The following ADAMTS3 variants were observed in gnomAD, a reference collection of about 807,000 sequenced individuals.
The protein encoded by ADAMTS3 is A disintegrin and metalloproteinase with thrombospondin motifs 3.
Under a neutral mutation model 129.0 loss-of-function variants are expected in ADAMTS3, and 73 were observed. The ratio of observed to expected loss-of-function variants is 0.57; its 90% CI spans 0.47 to 0.69. The LOEUF is 0.69. Among genes scored for constraint, ADAMTS3 ranks in the 30% least tolerant of loss-of-function variants. The pLI is 0.00. For synonymous variants in ADAMTS3, 477 were observed against 510.8 expected, an observed-to-expected ratio of 0.93 and a Z score of 0.89; for missense variants, 1,457 against 1,514.5, an observed-to-expected ratio of 0.96 and a Z score of 0.63.
chr4:72,387,744 C>T (rs934073976), intron 4 of ADAMTS3, among the ~76,000 whole-genome samples: 1 of 152,068 alleles, frequency 6.6e-6, no homozygotes, highest in Non-Finnish European at 1.5e-5. Context: ...GAATGAGGTG[C>T]CTAAGGCAAC....
At chr4:72,462,689 T>G (rs1160539227) in intron 3 of ADAMTS3, among the ~76,000 whole-genome samples, 1 of 151,974 alleles carries the variant, frequency 6.6e-6, no homozygotes, top group Non-Finnish European at 1.5e-5. Context: ...CGTGTTTTAG[T>G]TTTTAATGAA....
intron 2 of ADAMTS3, among the ~76,000 whole-genome samples, chr4:72,566,413 G>C (rs1413116114): frequency 6.6e-6 from 1 of 152,084 alleles, no homozygotes; most frequent in East Asian, 1.9e-4. Flanking sequence ...GTGGCTGTGG[G>C]AATCAGTTGA....
chr4:72,527,545 T>C (rs995531355), intron 3 of ADAMTS3, among the ~76,000 whole-genome samples: 1 of 152,204 alleles, frequency 6.6e-6, no homozygotes, highest in Non-Finnish European at 1.5e-5. Flanking sequence ...AGCCAAGTTC[T>C]ATCTAGATGT....
intron 3 of ADAMTS3, among the ~76,000 whole-genome samples, chr4:72,486,035 C>T (rs750520364): frequency 5.3e-5 from 8 of 152,110 alleles, no homozygotes; most frequent in Non-Finnish European, 1.2e-4. Context: ...TAGAAATTAC[C>T]CATTCTTACA....
intron 4 of ADAMTS3, among the ~76,000 whole-genome samples, chr4:72,357,625 G>A (rs1285954617): frequency 6.6e-6 from 1 of 151,796 alleles, no homozygotes; most frequent in Non-Finnish European, 1.5e-5. Flanking sequence ...TTCATGAAAA[G>A]GCCAAACAAC....
chr4:72,402,344 G>A (rs1020301994), intron 4 of ADAMTS3, among the ~76,000 whole-genome samples: 3 of 152,284 alleles, frequency 2.0e-5, no homozygotes, highest in African/African-American at 7.2e-5. Context: ...CTTTACTGAA[G>A]TATGCTATAC....
At chr4:72,352,031 A>G (rs564417283) in intron 4 of ADAMTS3, among the ~76,000 whole-genome samples, 1 of 152,110 alleles carries the variant, frequency 6.6e-6, no homozygotes, top group East Asian at 1.9e-4. Flanking sequence ...TGATAAGGAA[A>G]GTGGCACAAT....
At chr4:72,549,962 A>AAAG (rs71655715) in intron 2 of ADAMTS3, among the ~76,000 whole-genome samples, 8,667 of 30,256 alleles carry the variant, frequency 0.29, 1,565 homozygotes, top group South Asian at 0.39. Flanking sequence ...AAAAAAAAAA[A>AAAG]AAGAAGAAGA....
intron 3 of ADAMTS3, among the ~76,000 whole-genome samples, chr4:72,456,092 A>ATATATATAGTATATATACTATATATATTT (rs1718587116): frequency 2.3e-4 from 1 of 4,304 alleles, no homozygotes; most frequent in African/African-American, 1.2e-3. Flanking sequence ...TATATATTTT[A>ATATATATAGTATATATACTATATATATTT]TATATATAGT....
intron 7 of ADAMTS3, among the ~76,000 whole-genome samples, chr4:72,320,391 C>A (rs1719520519): frequency 6.6e-6 from 1 of 152,194 alleles, no homozygotes; most frequent in African/African-American, 2.4e-5. Flanking sequence ...AGCTCTTTGG[C>A]AGCAGTCATT....
chr4:72,442,955 C>T (rs1435386383), intron 3 of ADAMTS3, among the ~76,000 whole-genome samples: 1 of 151,700 alleles, frequency 6.6e-6, no homozygotes, highest in Non-Finnish European at 1.5e-5. Context: ...GACTCCAAAC[C>T]TCAGCTTTCC....
At chr4:72,483,668 A>G (rs1254084259) in intron 3 of ADAMTS3, among the ~76,000 whole-genome samples, 2 of 152,206 alleles carry the variant, frequency 1.3e-5, no homozygotes, top group East Asian at 1.9e-4. Flanking sequence ...GCAAAACAAT[A>G]TAATTGTTTG....
chr4:72,304,040 G>A lies in ADAMTS3; in HGVS notation c.2301C>T (p.Gly767=), dbSNP rs751520417. 1.2e-6 allele frequency: 2 copies of A among 1,613,498 alleles called. No homozygotes were observed. The highest frequency in any genetic ancestry group is 1.7e-5 in the Admixed American group (1 of 59,958). Residue 767 remains glycine, a synonymous_variant, in exon 17 of 22, where the codon GGC becomes GGT. Coordinates refer to ENST00000286657, the MANE Select transcript of ADAMTS3 (RefSeq NM_014243.3). Reference sequence around the variant, plus strand: ...TCCGCGACTTGGCTTCCTCCCCTTTGCCATTTAAAATATAATGGCCTGTAG... The same window carrying A: ...TCCGCGACTTGGCTTCCTCCCCTTTACCATTTAAAATATAATGGCCTGTAG... ...NQATGHYILN[G]KGEEAKSRTF...
At chr4:72,398,964 A>G (rs1578645390) in intron 4 of ADAMTS3, among the ~76,000 whole-genome samples, 1 of 152,212 alleles carries the variant, frequency 6.6e-6, no homozygotes, top group Admixed American at 6.5e-5. Flanking sequence ...TGTAATTTTC[A>G]TCTACAAATT....
intron 3 of ADAMTS3, among the ~76,000 whole-genome samples, chr4:72,546,455 A>T (rs1431782774): frequency 6.6e-6 from 1 of 152,104 alleles, no homozygotes; most frequent in African/African-American, 2.4e-5. Context: ...ATGTTAAAAA[A>T]AAAAAAGTTG....
intron 21 of ADAMTS3, among the ~76,000 whole-genome samples, chr4:72,287,421 A>G (rs951448103): frequency 1.3e-5 from 2 of 151,466 alleles, no homozygotes; most frequent in Admixed American, 6.6e-5. Context: ...GGATAAAGAA[A>G]GAGAAAGGGA....
intron 3 of ADAMTS3, among the ~76,000 whole-genome samples, chr4:72,498,623 T>C (rs1392531906): frequency 6.7e-6 from 1 of 149,820 alleles, no homozygotes; most frequent in African/African-American, 2.5e-5. Context: ...CAATATTCCC[T>C]CTCTCTCTCT....
chr4:72,402,851 G>A (rs1721959324), intron 4 of ADAMTS3, among the ~76,000 whole-genome samples: 2 of 152,092 alleles, frequency 1.3e-5, no homozygotes, highest in Admixed American at 1.3e-4. Flanking sequence ...ATTAAGGTCT[G>A]GGAGGTGGTG....
At chr4:72,542,029 A>C (rs568985315) in intron 3 of ADAMTS3, among the ~76,000 whole-genome samples, 18 of 152,342 alleles carry the variant, frequency 1.2e-4, no homozygotes, top group East Asian at 3.9e-4. Flanking sequence ...TTTATGGTTA[A>C]ACTTTCCTTA....
Sources: allele counts gnomAD v4.1 joint callset (sites outside exome capture counted in the v4.1 genomes callset), GRCh38; gene constraint gnomAD v4.1.1; transcripts MANE v1.5; gene names NCBI Gene and HGNC (gene_info 2026-07-23, HGNC 2026-07-21).